Variants in HMGCS1 observed in about 807,000 individuals in gnomAD.
HMGCS1 encodes the protein hydroxymethylglutaryl-CoA synthase, cytoplasmic.
Under a neutral mutation model 52.3 loss-of-function variants are expected in HMGCS1, and 9 were observed. The observed-to-expected ratio is 0.17, with a 90% CI of 0.10 to 0.30. The LOEUF (loss-of-function observed/expected upper bound fraction) is 0.30, where lower values mean the gene tolerates loss of function less well. Ranked by LOEUF, HMGCS1 falls within the 10% of genes least tolerant of loss-of-function variation. The probability of loss-of-function intolerance (pLI) is 1.00; values close to 1 mark genes in which losing one functional copy is unlikely to be tolerated. For missense variants in HMGCS1, 320 were observed against 620.9 expected (o/e 0.52, Z 5.15); for synonymous variants, 176 against 214.4 (o/e 0.82, Z 1.57).
chr5:43,298,561 A>G lies in HMGCS1; in HGVS notation c.405T>C (p.Ala135=). The stretch of plus-strand genomic sequence containing the variant: ...CAATCCAGTTAACAGCATTGAAGAC[A>G]GCAGCTGTGCCTCCATAGCATGCAT... ...TTNACYGGTA[A]VFNAVNWIES... is the part of the protein sequence containing the mutation. The change falls in exon 3 of 11, where the codon GCT becomes GCC. Residue 135 remains alanine (A), a synonymous_variant. Transcript: ENST00000325110. This position sits in a 1 kb window ranked among gnomAD's most constrained non-coding sequence, Gnocchi z 5.6. 3 of 1,614,146 alleles carry G rather than the reference A, an allele frequency of 1.9e-6. No homozygotes were observed. The highest frequency in any genetic ancestry group is 2.5e-6 in the Non-Finnish European group (3 of 1,179,956).
chr5:43,293,558 A>AT lies in HMGCS1; in HGVS notation c.1183+497dup, dbSNP rs34148210. 3.6e-3 allele frequency among the ~76,000 whole-genome samples: 510 copies of AT among 142,050 alleles called. 1 individual carries two copies. The highest frequency in any genetic ancestry group is 4.5e-3 in the Non-Finnish European group (294 of 65,134). 93.2% of individuals were successfully genotyped at this position (142,050 alleles called of 152,430 possible). ...CTATCCTTTATCCAGATAAGGTAGA[A>AT]TTTTTTTTTTTTTTTTGGATAGATT... On this transcript the variant is annotated intron_variant, in intron 8 of 10. Transcript: ENST00000325110.
intron 1 of HMGCS1, among the ~76,000 whole-genome samples, chr5:43,309,262 G>T (rs777048540): frequency 4.0e-5 from 6 of 149,932 alleles, no homozygotes; most frequent in Non-Finnish European, 7.4e-5. Flanking sequence ...TTGAGACAGG[G>T]TCTCCCTCTG....
chr5:43,301,670 T>C lies in HMGCS1; in HGVS notation c.-10-2695A>G, dbSNP rs537707558. On this transcript the variant is annotated intron_variant, in intron 2 of 10. Transcript: ENST00000325110. ...CACTGTTTTATCCTCACTAATGCTG[T>C]TTTACAGTCACTGGTGCTGTGAATG... is the stretch of plus-strand genomic sequence containing the variant. Among the ~76,000 whole-genome samples the C allele has an allele frequency of 7.2e-5, 11 of 152,342 alleles. No homozygotes were observed. In the South Asian group the frequency reaches 2.3e-3, roughly 32 times the overall value.
Position 43,287,958 on chromosome 5 carries a change from G to C in HMGCS1, c.*3173C>G, listed in dbSNP as rs1275889990. 6.6e-6 allele frequency: 1 copy of C among 152,312 alleles called. No homozygotes were observed. The highest frequency in any genetic ancestry group is 2.4e-5 in the African/African-American group (1 of 41,444). The allele number at this position is 152,312 out of a possible 1,614,324, so 9.4% of individuals were successfully genotyped here. On this transcript the variant is annotated 3_prime_UTR_variant, in exon 11 of 11. Coordinates refer to ENST00000325110, the MANE Select transcript of HMGCS1 (RefSeq NM_001098272.3). ...CTGATGCGTAGATCAAAGGCTTAAG[G>C]CTGGAATAAACTCAGCATGTTTGAG... is the stretch of plus-strand genomic sequence containing the variant.
intron 2 of HMGCS1, among the ~76,000 whole-genome samples, chr5:43,300,827 A>C (rs1754279913): frequency 6.7e-6 from 1 of 150,046 alleles, no homozygotes; most frequent in Non-Finnish European, 1.5e-5. Flanking sequence ...AAAAGAAAAG[A>C]CTTAAGGGAT....
rs901491567 is a variant in HMGCS1 at position 43,298,325 on chromosome 5, C to G, written c.449-191G>C. Reference sequence around the variant, plus strand: ...CCATCTGACTAAATTTTGAATAGACCATTTGTCCTACAAGATAAGATAACC... The same window carrying G: ...CCATCTGACTAAATTTTGAATAGACGATTTGTCCTACAAGATAAGATAACC... On this transcript the variant is annotated intron_variant, in intron 3 of 10. Coordinates refer to ENST00000325110, the MANE Select transcript of HMGCS1 (RefSeq NM_001098272.3). The surrounding 1 kb of genome is among the most constrained non-coding windows in gnomAD (Gnocchi z 5.6). The G allele has an allele frequency of 6.0e-6, 4 of 665,000 alleles. No homozygotes were observed. Among genetic ancestry groups the G allele is most frequent in the Non-Finnish European group, 1.0e-5 (4 of 398,698 alleles). The allele number at this position is 665,000 out of a possible 1,614,324, so 41.2% of individuals were successfully genotyped here. A position where few individuals can be genotyped will look rare whatever the true frequency, so the allele number is the denominator to read the frequency against.
chr5:43,306,351 T>TCCTA (rs1754576077), intron 2 of HMGCS1, among the ~76,000 whole-genome samples: 1 of 152,142 alleles, frequency 6.6e-6, no homozygotes, highest in Admixed American at 6.5e-5. Flanking sequence ...GCAAGGGAAG[T>TCCTA]CCTAACCTAG....
chr5:43,290,106 A>G lies in HMGCS1; in HGVS notation c.*1025T>C, dbSNP rs1753675125. ...TGAACAGATACCAAAAAAAAAAAAAAAAGGAAAAGGAAAAGAGCTGTGTTA... is the reference window on the plus strand; with the variant it reads ...TGAACAGATACCAAAAAAAAAAAAAGAAGGAAAAGGAAAAGAGCTGTGTTA... On this transcript the variant is annotated 3_prime_UTR_variant, in exon 11 of 11. Coordinates refer to ENST00000325110, the MANE Select transcript of HMGCS1 (RefSeq NM_001098272.3). 1 of 152,342 alleles carries G rather than the reference A, an allele frequency of 6.6e-6. No individual in the cohort carries two copies. The allele number at this position is 152,342 out of a possible 1,614,324, so 9.4% of individuals were successfully genotyped here.
At chr5:43,309,238 A>G (rs1190470891) in intron 1 of HMGCS1, among the ~76,000 whole-genome samples, 2 of 142,736 alleles carry the variant, frequency 1.4e-5, no homozygotes, top group Non-Finnish European at 3.1e-5. Context: ...ATTCCCTCAA[A>G]TTTTTTTTTT....
At chr5:43,302,285 C>G (rs1754358350) in intron 2 of HMGCS1, among the ~76,000 whole-genome samples, 1 of 152,320 alleles carries the variant, frequency 6.6e-6, no homozygotes, top group African/African-American at 2.4e-5. Context: ...CATCTTACAA[C>G]TACTTACCTA....
intron 1 of HMGCS1, among the ~76,000 whole-genome samples, chr5:43,311,903 T>C (rs1380074358): frequency 6.6e-6 from 1 of 152,194 alleles, no homozygotes; most frequent in African/African-American, 2.4e-5. Context: ...TGAACTAAAG[T>C]AGAACCGAAT....
At chr5:43,311,846 A>G (rs1174663120) in intron 1 of HMGCS1, among the ~76,000 whole-genome samples, 1 of 152,250 alleles carries the variant, frequency 6.6e-6, no homozygotes, top group Non-Finnish European at 1.5e-5. Flanking sequence ...AGCGTAAGTC[A>G]GACCTTCTGA....
intron 2 of HMGCS1, among the ~76,000 whole-genome samples, chr5:43,302,243 G>A (rs1037134767): frequency 6.6e-6 from 1 of 152,186 alleles, no homozygotes; most frequent in Non-Finnish European, 1.5e-5. Context: ...TCAACATTAA[G>A]GATAAATGCT....
intron 1 of HMGCS1, among the ~76,000 whole-genome samples, chr5:43,309,382 GGCACATGC>G (rs1754746185): frequency 6.6e-6 from 1 of 152,006 alleles, no homozygotes; most frequent in Non-Finnish European, 1.5e-5. Flanking sequence ...TGGGACTACA[GGCACATGC>G]CACAATACAC....
chr5:43,296,973 CA>C (rs1204441318), intron 5 of HMGCS1, 28 bp downstream of exon 5: 1 of 1,607,692 alleles, frequency 6.2e-7, no homozygotes. Context: ...CAACTCATAC[CA>C]AAACCAAGGA....
At chr5:43,293,003 GA>G in intron 8 of HMGCS1, 30 bp from the exon 9 acceptor site, 1 of 1,548,138 alleles carries the variant, frequency 6.5e-7, no homozygotes, top group Non-Finnish European at 8.7e-7. Flanking sequence ...AACATTAAAA[GA>G]TTTTTTTGAA....
rs997880130 is a variant in HMGCS1, at chr5:43,289,289, A to G, written c.*1842T>C. Reference sequence around the variant, plus strand: ...TGTGAAATGATAAATGAATGGAATGAGTGAACGAACTGAAATGAAATTAAT... The same window carrying G: ...TGTGAAATGATAAATGAATGGAATGGGTGAACGAACTGAAATGAAATTAAT... On this transcript the variant is annotated 3_prime_UTR_variant, in exon 11 of 11. Coordinates refer to ENST00000325110, the MANE Select transcript of HMGCS1 (RefSeq NM_001098272.3). 2.0e-5 allele frequency: 3 copies of G among 152,598 alleles called. No homozygotes were observed. Among genetic ancestry groups the G allele is most frequent in the African/African-American group, 7.2e-5 (3 of 41,466 alleles). 9.5% of individuals were successfully genotyped at this position (152,598 alleles called of 1,614,324 possible). A position where few individuals can be genotyped will look rare whatever the true frequency, so the allele number is the denominator to read the frequency against.
chr5:43,290,425 T>C lies in HMGCS1; in HGVS notation c.*706A>G, dbSNP rs1182985630. 4 of 152,242 alleles carry C rather than the reference T, an allele frequency of 2.6e-5. No homozygotes were observed. The highest frequency in any genetic ancestry group is 7.2e-5 in the African/African-American group (3 of 41,456). The allele number at this position is 152,242 out of a possible 1,614,324, so 9.4% of individuals were successfully genotyped here. The stretch of plus-strand genomic sequence containing the variant: ...CAGCTCCTGAATGTACCATGTTTTC[T>C]ATACCAGAAGCCTCTTCAATGGCAG... On this transcript the variant is annotated 3_prime_UTR_variant, in exon 11 of 11. Transcript: ENST00000325110.
At chr5:43,296,678 T>C (rs779722559) in intron 5 of HMGCS1, among the ~76,000 whole-genome samples, 1 of 152,206 alleles carries the variant, frequency 6.6e-6, no homozygotes, top group Non-Finnish European at 1.5e-5. Flanking sequence ...GAATCACAGC[T>C]GTAGTCCAAA....
Sources: gnomAD v4.1 joint callset for allele counts (sites outside exome capture counted in the v4.1 genomes callset) on GRCh38, gnomAD v4.1.1 for gene constraint, Gnocchi (gnomAD v3.1) non-coding constraint, MANE v1.5 for transcripts, NCBI Gene and HGNC (gene_info 2026-07-23, HGNC 2026-07-21) for gene names.